The following NTRK3 variants were observed in gnomAD, a reference collection of about 807,000 sequenced individuals.
NTRK3 encodes the protein NT-3 growth factor receptor.
In NTRK3, 24 loss-of-function variants were observed where a neutral mutation model predicts 91.7. That is an observed-to-expected ratio of 0.26 (90% CI 0.19 to 0.37). NTRK3 has a LOEUF of 0.37. Among genes scored for constraint, NTRK3 ranks in the 10% least tolerant of loss-of-function variants. The pLI is 1.00. For synonymous variants in NTRK3, 483 were observed against 404.0 expected (o/e 1.20, Z -2.34); for missense variants, 880 against 1,068.9 (o/e 0.82, Z 2.46).
At chr15:88,137,879 C>T (rs1173533952) in intron 6 of NTRK3, among the ~76,000 whole-genome samples, 1 of 152,072 alleles carries the variant, frequency 6.6e-6, no homozygotes, top group Non-Finnish European at 1.5e-5. Flanking sequence ...GGTGAAACCC[C>T]GTCTCTACTA....
chr15:87,984,721 C>T (rs1268610605), intron 14 of NTRK3, among the ~76,000 whole-genome samples: 1 of 152,084 alleles, frequency 6.6e-6, no homozygotes, highest in Non-Finnish European at 1.5e-5. Flanking sequence ...CTTGGGAGAT[C>T]TCACATTTAA....
chr15:87,960,108 T>G (rs1244460796), intron 14 of NTRK3, among the ~76,000 whole-genome samples: 1 of 152,170 alleles, frequency 6.6e-6, no homozygotes, highest in African/African-American at 2.4e-5. Context: ...TCTGCCTCCT[T>G]CATGAAAGAC....
intron 14 of NTRK3, among the ~76,000 whole-genome samples, chr15:88,021,598 T>A (rs1260634692): frequency 6.7e-6 from 1 of 150,038 alleles, no homozygotes; most frequent in Non-Finnish European, 1.5e-5. Context: ...TTTTTTTTTT[T>A]AAGCAATGCC....
intron 13 of NTRK3, among the ~76,000 whole-genome samples, chr15:88,085,292 T>C (rs1006023730): frequency 2.0e-5 from 3 of 152,224 alleles, no homozygotes; most frequent in African/African-American, 7.2e-5. Flanking sequence ...CTCATATTCA[T>C]GCCCCTCCAT....
intron 17 of NTRK3, among the ~76,000 whole-genome samples, chr15:87,891,703 A>T (rs1225332704): frequency 6.6e-6 from 1 of 152,138 alleles, no homozygotes; most frequent in East Asian, 1.9e-4. Flanking sequence ...CACTGTGCTT[A>T]AAGATGCCAC....
intron 3 of NTRK3, among the ~76,000 whole-genome samples, chr15:88,229,844 A>C (rs2051019018): frequency 6.6e-6 from 1 of 152,250 alleles, no homozygotes; most frequent in African/African-American, 2.4e-5. Flanking sequence ...TAGCCCAGGG[A>C]ACATGGAGCA....
rs532546507 is a variant in NTRK3 at position 88,025,411 on chromosome 15, C to A, written c.1585+7446G>T. 5.9e-5 allele frequency among the ~76,000 whole-genome samples: 9 copies of A among 152,326 alleles called. No homozygotes were observed. In the East Asian group the frequency reaches 1.7e-3, roughly 29 times the overall value. ...CCCCCTCAAAAAAGCTAGGTCAAAG[C>A]CCTAACTCCCAGTGCCTTACAATGT... On this transcript the variant is annotated intron_variant, in intron 14 of 18. Transcript: ENST00000394480.
intron 13 of NTRK3, among the ~76,000 whole-genome samples, chr15:88,117,006 G>A (rs145751767): frequency 7.3e-4 from 111 of 152,298 alleles, no homozygotes; most frequent in Admixed American, 1.5e-3. Context: ...ATATGCGGAC[G>A]TCTATTGGAT....
chr15:88,130,847 A>C (rs1177872953), intron 10 of NTRK3, among the ~76,000 whole-genome samples: 1 of 152,236 alleles, frequency 6.6e-6, no homozygotes, highest in Non-Finnish European at 1.5e-5. Context: ...CAATGGGACA[A>C]GTGATGAAAT....
At chr15:87,912,923 T>TAA (rs71460480) in intron 17 of NTRK3, among the ~76,000 whole-genome samples, 502 of 39,506 alleles carry the variant, frequency 0.013, 3 homozygotes, top group East Asian at 0.03. Flanking sequence ...TTTCAAAAAG[T>TAA]AAAAAAAAAT....
intron 3 of NTRK3, among the ~76,000 whole-genome samples, chr15:88,227,832 C>T (rs1236715884): frequency 2.0e-5 from 3 of 152,030 alleles, no homozygotes; most frequent in Admixed American, 6.6e-5. Context: ...GCTGCATGCC[C>T]CTCGCAGCAG....
At chr15:88,180,414 A>G (rs569574591) in intron 5 of NTRK3, among the ~76,000 whole-genome samples, 1 of 152,248 alleles carries the variant, frequency 6.6e-6, no homozygotes, top group Non-Finnish European at 1.5e-5. Context: ...GGAGATGGTC[A>G]GTCACTCATA....
intron 3 of NTRK3, among the ~76,000 whole-genome samples, chr15:88,225,537 G>C (rs2050597731): frequency 6.6e-6 from 1 of 152,172 alleles, no homozygotes; most frequent in African/African-American, 2.4e-5. Context: ...GAAGAGTCCA[G>C]GAGATGAAGA....
chr15:88,018,482 G>T (rs2141857513), intron 14 of NTRK3, among the ~76,000 whole-genome samples: 1 of 152,294 alleles, frequency 6.6e-6, no homozygotes, highest in East Asian at 1.9e-4. Context: ...ACCAGTAAAT[G>T]ACCTTGGGCA....
intron 14 of NTRK3, among the ~76,000 whole-genome samples, chr15:87,989,016 C>T (rs941068975): frequency 9.9e-5 from 15 of 151,880 alleles, no homozygotes; most frequent in African/African-American, 2.7e-4. Flanking sequence ...CTCCTGGGTC[C>T]AACAGTGGAG....
intron 14 of NTRK3, among the ~76,000 whole-genome samples, chr15:87,993,200 G>A (rs562278405): frequency 3.2e-4 from 49 of 152,214 alleles, no homozygotes; most frequent in African/African-American, 1.2e-3. Flanking sequence ...AGTCATGGCC[G>A]TACCATTTAG....
At chr15:87,971,813 T>G (rs1386124653) in intron 14 of NTRK3, among the ~76,000 whole-genome samples, 1 of 152,160 alleles carries the variant, frequency 6.6e-6, no homozygotes, top group Non-Finnish European at 1.5e-5. Context: ...AGAGCACATG[T>G]GCTCCCCACA....
At chr15:88,220,590 G>A (rs2050155831) in intron 3 of NTRK3, among the ~76,000 whole-genome samples, 1 of 152,222 alleles carries the variant, frequency 6.6e-6, no homozygotes, top group Non-Finnish European at 1.5e-5. Flanking sequence ...GATGAGAAGA[G>A]GCCCAGCCCT....
intron 13 of NTRK3, among the ~76,000 whole-genome samples, chr15:88,056,542 A>C (rs904730506): frequency 6.6e-6 from 1 of 152,190 alleles, no homozygotes; most frequent in Non-Finnish European, 1.5e-5. Flanking sequence ...TGAGATCATA[A>C]TTTAGAGCTG....
Sources: allele counts gnomAD v4.1 joint callset (sites outside exome capture counted in the v4.1 genomes callset), GRCh38; gene constraint gnomAD v4.1.1; transcripts MANE v1.5; gene names NCBI Gene and HGNC (gene_info 2026-07-23, HGNC 2026-07-21).